Variants in CSGALNACT1 observed in about 807,000 individuals in gnomAD.
CSGALNACT1 encodes chondroitin sulfate N-acetylgalactosaminyltransferase 1.
Under a neutral mutation model 51.0 loss-of-function variants are expected in CSGALNACT1, and 52 were observed. The observed-to-expected ratio is 1.02, with a 90% CI of 0.82 to 1.29. The LOEUF is 1.29. Among genes scored for constraint, CSGALNACT1 ranks in the 50% most tolerant of loss-of-function variants. The pLI is 0.00. For synonymous variants in CSGALNACT1, 341 were observed against 254.4 expected (o/e 1.34, Z -3.24); for missense variants, 935 against 679.2 (o/e 1.38, Z -4.19).
chr8:19,458,177 T>G (rs980686148), intron 5 of CSGALNACT1, among the ~76,000 whole-genome samples: 1 of 152,208 alleles, frequency 6.6e-6, no homozygotes, highest in Non-Finnish European at 1.5e-5. Flanking sequence ...GTCATCTTTG[T>G]AGATCCTGGT....
At chr8:19,633,077 G>A (rs2055521324) in intron 1 of CSGALNACT1, among the ~76,000 whole-genome samples, 1 of 151,956 alleles carries the variant, frequency 6.6e-6, no homozygotes, top group Non-Finnish European at 1.5e-5. Flanking sequence ...GTGCCCAGCT[G>A]AGGGCTTTTT....
intron 6 of CSGALNACT1, among the ~76,000 whole-genome samples, chr8:19,427,405 C>T (rs572607103): frequency 2.4e-4 from 37 of 152,300 alleles, no homozygotes; most frequent in Admixed American, 2.3e-3. Context: ...CCAGCTTCAG[C>T]GGGCACCAAA....
chr8:19,466,069 G>A (rs571815719), intron 4 of CSGALNACT1, among the ~76,000 whole-genome samples: 4 of 152,254 alleles, frequency 2.6e-5, no homozygotes, highest in African/African-American at 9.6e-5. Context: ...AGTTGTTTAA[G>A]TAAAAGCTAT....
chr8:19,559,988 A>G (rs2040344105), intron 3 of CSGALNACT1, among the ~76,000 whole-genome samples: 1 of 152,228 alleles, frequency 6.6e-6, no homozygotes, highest in Admixed American at 6.5e-5. Context: ...ATTAAGACTC[A>G]CTTAAGAAGA....
intron 3 of CSGALNACT1, among the ~76,000 whole-genome samples, chr8:19,521,681 A>G (rs1384160470): frequency 3.3e-5 from 5 of 152,214 alleles, no homozygotes; most frequent in African/African-American, 1.2e-4. Flanking sequence ...AACAAGAAGA[A>G]GAAGAATAGC....
chr8:19,650,886 C>T (rs1277670276), intron 1 of CSGALNACT1, among the ~76,000 whole-genome samples: 2 of 152,106 alleles, frequency 1.3e-5, no homozygotes, highest in Non-Finnish European at 2.9e-5. Context: ...TGAAGAGTCA[C>T]GAGTTGCTCC....
chr8:19,521,760 T>G (rs1254719518), intron 3 of CSGALNACT1, among the ~76,000 whole-genome samples: 1 of 152,140 alleles, frequency 6.6e-6, no homozygotes, highest in African/African-American at 2.4e-5. Context: ...CAAGAGAAGT[T>G]CTAGGAGAAA....
chr8:19,422,736 G>C (rs2058143058), intron 6 of CSGALNACT1, among the ~76,000 whole-genome samples: 1 of 152,182 alleles, frequency 6.6e-6, no homozygotes, highest in African/African-American at 2.4e-5. Context: ...GCACCTTCAT[G>C]TCTCTTAGAG....
At chr8:19,622,227 T>C (rs1296891591) in intron 1 of CSGALNACT1, among the ~76,000 whole-genome samples, 1 of 152,236 alleles carries the variant, frequency 6.6e-6, no homozygotes, top group Non-Finnish European at 1.5e-5. Context: ...TTTGTTGAAC[T>C]TGACTAAACA....
intron 2 of CSGALNACT1, among the ~76,000 whole-genome samples, chr8:19,600,663 A>T (rs753897099): frequency 2.0e-5 from 3 of 152,164 alleles, no homozygotes; most frequent in Non-Finnish European, 4.4e-5. Context: ...ATTAACTTTC[A>T]GCCAAGGTTT....
chr8:19,435,701 C>G (rs796506554), intron 6 of CSGALNACT1, among the ~76,000 whole-genome samples: 2 of 152,056 alleles, frequency 1.3e-5, no homozygotes, highest in Non-Finnish European at 2.9e-5. Context: ...CAGGTTATTC[C>G]AAAGCATGTT....
Position 19,757,813 on chromosome 8 carries a change from T to G in CSGALNACT1, c.-297+37A>C, listed in dbSNP as rs893289373. 6.6e-6 allele frequency: 1 copy of G among 152,226 alleles called. No individual in the cohort carries two copies. The highest frequency in any genetic ancestry group is 1.5e-5 in the Non-Finnish European group (1 of 68,098). The allele number at this position is 152,226 out of a possible 1,614,324, so 9.4% of individuals were successfully genotyped here. A position where few individuals can be genotyped will look rare whatever the true frequency, so the allele number is the denominator to read the frequency against. ...TTAGTCGCGGTCTCTGCTGCCCTGG[T>G]CAGCTATAACGCCTCCCCTAGAGAG... On this transcript the variant is annotated intron_variant, in intron 1 of 1. Transcript: ENST00000517494. The surrounding 1 kb of genome is among the most constrained non-coding windows in gnomAD (Gnocchi z 4.0).
chr8:19,605,507 C>T (rs532163641), upstream of CSGALNACT1, among the ~76,000 whole-genome samples: 9 of 152,322 alleles, frequency 5.9e-5, no homozygotes, highest in East Asian at 1.4e-3. Flanking sequence ...CCTCCCCTGT[C>T]CTCCAATGCC....
chr8:19,437,384 T>G (rs2060544999), intron 6 of CSGALNACT1, among the ~76,000 whole-genome samples: 2 of 152,176 alleles, frequency 1.3e-5, no homozygotes. Flanking sequence ...ACAGCCCATC[T>G]GGGGACCAGG....
intron 1 of CSGALNACT1, among the ~76,000 whole-genome samples, chr8:19,622,608 A>T (rs1194034446): frequency 2.0e-5 from 3 of 152,228 alleles, no homozygotes; most frequent in African/African-American, 4.8e-5. Context: ...AATGGAGTTA[A>T]AAGTATTTTA....
At chr8:19,510,388 A>T (rs1441341099) in intron 3 of CSGALNACT1, among the ~76,000 whole-genome samples, 2 of 152,236 alleles carry the variant, frequency 1.3e-5, no homozygotes, top group African/African-American at 4.8e-5. Context: ...CAACCTCCAA[A>T]TAACACAGCA....
At chr8:19,662,560 C>T (rs1361705404) in intron 1 of CSGALNACT1, among the ~76,000 whole-genome samples, 1 of 152,172 alleles carries the variant, frequency 6.6e-6, no homozygotes, top group Non-Finnish European at 1.5e-5. Context: ...CTATGCTTTA[C>T]TAGGAAGCAG....
intron 1 of CSGALNACT1, among the ~76,000 whole-genome samples, chr8:19,661,566 A>C (rs2058745890): frequency 6.6e-6 from 1 of 152,186 alleles, no homozygotes; most frequent in Non-Finnish European, 1.5e-5. Flanking sequence ...TATTCCCGCT[A>C]TGTGGAGTTT....
At chr8:19,730,550 G>T (rs940610026) in intron 1 of CSGALNACT1, among the ~76,000 whole-genome samples, 5 of 152,176 alleles carry the variant, frequency 3.3e-5, no homozygotes, top group African/African-American at 1.2e-4. Flanking sequence ...AAGCAAAAAA[G>T]TATGTAAGGT....
Sources: allele counts gnomAD v4.1 joint callset (sites outside exome capture counted in the v4.1 genomes callset), GRCh38; gene constraint gnomAD v4.1.1; non-coding constraint Gnocchi (gnomAD v3.1); transcripts MANE v1.5; gene names NCBI Gene and HGNC (gene_info 2026-07-23, HGNC 2026-07-21).